The following AHCTF1 variants were observed in gnomAD, a reference collection of about 807,000 sequenced individuals.
AHCTF1 encodes AT-hook containing transcription factor 1, also known as protein ELYS.
Under a neutral mutation model 248.4 loss-of-function variants are expected in AHCTF1, and 24 were observed. The ratio of observed to expected loss-of-function variants is 0.10; its 90% CI spans 0.07 to 0.14. AHCTF1 has a LOEUF of 0.14. Ranked by LOEUF, AHCTF1 falls within the 10% of genes least tolerant of loss-of-function variation. The pLI is 1.00. For missense variants in AHCTF1, 2,206 were observed against 2,636.2 expected, an observed-to-expected ratio of 0.84 and a Z score of 3.57; for synonymous variants, 786 against 929.8, an observed-to-expected ratio of 0.85 and a Z score of 2.81.
At chr1:246,872,772 G>C (rs1363776310) in intron 24 of AHCTF1, among the ~76,000 whole-genome samples, 1 of 152,162 alleles carries the variant, frequency 6.6e-6, no homozygotes, top group African/African-American at 2.4e-5. Flanking sequence ...TGCTTGGCAT[G>C]ATTGAACCTT....
At chr1:246,907,994 A>G (rs1269146494) in intron 4 of AHCTF1, among the ~76,000 whole-genome samples, 1 of 152,232 alleles carries the variant, frequency 6.6e-6, no homozygotes, top group Non-Finnish European at 1.5e-5. Context: ...AAATTCTCTC[A>G]GTACATCTCA....
Position 246,887,248 on chromosome 1 carries a change from A to G in AHCTF1, c.2435T>C (p.Ile812Thr), listed in dbSNP as rs1249731980. The change falls in exon 20 of 36, where the codon ATT (isoleucine) becomes ACT (threonine). Residue 812 changes from isoleucine to threonine, a missense_variant. Around this residue, in one of 6 missense-constraint regions of AHCTF1, gnomAD observed 650 missense variants for 870.8 expected, o/e 0.75. Coordinates refer to ENST00000648844, the MANE Select transcript of AHCTF1 (RefSeq NM_001323342.2). ...FAISWGQVKLIQGFWLIDHND... is the reference protein window; with the variant it reads ...FAISWGQVKLTQGFWLIDHND... ...ATGATCTATCAACCAAAACCCCTGA[A>G]TAAGTTTAACTTGGCCCCAAGAAAT... 14 of 1,613,604 alleles carry G rather than the reference A, an allele frequency of 8.7e-6. No homozygotes were observed. Among genetic ancestry groups the G allele is most frequent in the Admixed American group, 3.3e-5 (2 of 59,968 alleles).
At chr1:246,883,567 C>G (rs1663609042) in intron 21 of AHCTF1, among the ~76,000 whole-genome samples, 1 of 152,210 alleles carries the variant, frequency 6.6e-6, no homozygotes, top group Admixed American at 6.5e-5. Flanking sequence ...GCAGCTTTCT[C>G]CTAAGATGTT....
Position 246,868,186 on chromosome 1 carries a change from TG to T in AHCTF1, c.3089-376del, listed in dbSNP as rs1328246066. ...CTCTGTAGCCCAGGCTGGAGTGCAGTGGCACAATCTTGGCTCACTGCAACCT... is the reference window on the plus strand; with the variant it reads ...CTCTGTAGCCCAGGCTGGAGTGCAGTGCACAATCTTGGCTCACTGCAACCT... On this transcript the variant is annotated intron_variant, in intron 24 of 35. Coordinates refer to ENST00000648844, the MANE Select transcript of AHCTF1 (RefSeq NM_001323342.2). Among the ~76,000 whole-genome samples, 20 of 150,808 alleles carry T rather than the reference TG, an allele frequency of 1.3e-4. No individual in the cohort carries two copies. In the East Asian group the frequency reaches 3.7e-3, roughly 28 times the overall value.
chr1:246,918,673 C>T (rs896592917), intron 1 of AHCTF1, among the ~76,000 whole-genome samples: 3 of 152,218 alleles, frequency 2.0e-5, no homozygotes, highest in African/African-American at 7.2e-5. Flanking sequence ...GTCTTAAAAA[C>T]AAATGACATG....
chr1:246,848,862 C>CAAAA (rs78528395), intron 33 of AHCTF1, among the ~76,000 whole-genome samples: 102,258 of 151,264 alleles, frequency 0.68, 36,436 homozygotes, highest in African/African-American at 0.91. Flanking sequence ...ACAAACAACA[C>CAAAA]AAACCCCCTA....
In AHCTF1 at chr1:246,931,021, CCCCAAG is replaced by C. The variant is rs1667311600; in HGVS notation, c.-8+551_-8+556del. On this transcript the variant is annotated intron_variant, in intron 1 of 35. Coordinates refer to ENST00000648844, the MANE Select transcript of AHCTF1 (RefSeq NM_001323342.2). Reference sequence around the variant, plus strand: ...AGGTAGGAAAAAGGAAGGCAAAGCACCCCAAGATGTGCTTTTATTTTAAATCTCCTT... The same window carrying C: ...AGGTAGGAAAAAGGAAGGCAAAGCACATGTGCTTTTATTTTAAATCTCCTT... 14 of 1,433,088 alleles carry C rather than the reference CCCCAAG, an allele frequency of 9.8e-6. 1 individual carries two copies. The Middle Eastern group carries it at 5.4e-4, about 55-fold the overall frequency. 88.8% of individuals were successfully genotyped at this position (1,433,088 alleles called of 1,614,324 possible). A position where few individuals can be genotyped will look rare whatever the true frequency, so the allele number is the denominator to read the frequency against.
Position 246,842,763 on chromosome 1 carries a change from T to G in AHCTF1, c.6539A>C (p.Gln2180Pro). Residue 2180 changes from glutamine (Q) to proline (P), a missense_variant, in exon 35 of 36, where the codon CAA becomes CCA. Physicochemically the swap from Gln to Pro is moderately conservative, Grantham distance 76 (BLOSUM62 -1). Around this residue, in one of 6 missense-constraint regions of AHCTF1, gnomAD observed 469 missense variants for 470.0 expected, o/e 1.00. Coordinates refer to ENST00000648844, the MANE Select transcript of AHCTF1 (RefSeq NM_001323342.2). ...TGGCTTTCCCAGAGTTTCTACTGAT[T>G]GTGCATCATCTTTCTATGGGTTAAA... Reference protein sequence around the residue: ...KLEDELKDDAQSVETLGKPKA... With the variant: ...KLEDELKDDAPSVETLGKPKA... 1 of 1,613,624 alleles carries G rather than the reference T, an allele frequency of 6.2e-7. No individual in the cohort carries two copies. The highest frequency in any genetic ancestry group is 8.5e-7 in the Non-Finnish European group (1 of 1,179,836).
Position 246,902,557 on chromosome 1 carries a change from G to C in AHCTF1, c.1085C>G (p.Ser362Cys). Reference protein sequence around the residue: ...LGCQSIEKFRSHGDREEGVNE... With the variant: ...LGCQSIEKFRCHGDREEGVNE... ...CACGCCTTCCTCCCTGTCACCATGA[G>C]ATCGAAATTTCTCTATACTCTGGCA... The change falls in exon 8 of 36, where the codon TCT becomes TGT. Residue 362 changes from serine to cysteine, a missense_variant. Physicochemically the swap from Ser to Cys is moderately radical, Grantham distance 112 (BLOSUM62 -1). Transcript: ENST00000648844. 1 of 1,611,498 alleles carries C rather than the reference G, an allele frequency of 6.2e-7. No homozygotes were observed. The highest frequency in any genetic ancestry group is 1.1e-5 in the South Asian group (1 of 90,884).
intron 20 of AHCTF1, 83 bp from the exon 21 acceptor site, chr1:246,885,763 C>T (rs1260332802): frequency 1.6e-6 from 2 of 1,272,494 alleles, no homozygotes; most frequent in South Asian, 3.2e-5. Context: ...CTAAAAACCA[C>T]AAAAATCCAG....
chr1:246,849,345 A>G (rs1432415712), intron 33 of AHCTF1, among the ~76,000 whole-genome samples: 2 of 152,208 alleles, frequency 1.3e-5, no homozygotes, highest in Non-Finnish European at 2.9e-5. Context: ...GTCACTTATA[A>G]TTTATAAAAC....
intron 14 of AHCTF1, among the ~76,000 whole-genome samples, chr1:246,892,883 C>A (rs2103144923): frequency 6.6e-6 from 1 of 152,174 alleles, no homozygotes; most frequent in Non-Finnish European, 1.5e-5. Context: ...TGGCCTCAAG[C>A]AATCCTCTCA....
intron 30 of AHCTF1, 133 bp from the exon 31 acceptor site, chr1:246,855,960 C>T: frequency 1.9e-6 from 1 of 515,100 alleles, no homozygotes; most frequent in Non-Finnish European, 3.4e-6. Context: ...AACTCAAGCT[C>T]ATTCTGAACA....
rs1376990524 is a variant in AHCTF1 at position 246,861,233 on chromosome 1, T to G, written c.3798A>C (p.Glu1266Asp). 1 of 1,613,468 alleles carries G rather than the reference T, an allele frequency of 6.2e-7. No homozygotes were observed. The highest frequency in any genetic ancestry group is 8.5e-7 in the Non-Finnish European group (1 of 1,179,794). The change falls in exon 29 of 36, where the codon GAA becomes GAC. Residue 1266 changes from glutamate (E) to aspartate (D), a missense_variant. Glu to Asp is a conservative substitution (Grantham distance 45). Transcript: ENST00000648844. ...TTPKKCAVPV[E>D]TEWLKSKDRT... ...TATCTTTGCTCTTCAGCCATTCAGT[T>G]TCCACTGGAACTGCACATTTTTTAG...
At chr1:246,899,877 T>G (rs1390830970) in intron 10 of AHCTF1, among the ~76,000 whole-genome samples, 188 bp downstream of exon 10, 1 of 145,858 alleles carries the variant, frequency 6.9e-6, no homozygotes. Flanking sequence ...CTCCAAGTCA[T>G]AATTCCTTTA....
intron 4 of AHCTF1, among the ~76,000 whole-genome samples, chr1:246,909,394 CAAAAAAAAAAA>C (rs55998210): frequency 3.7e-4 from 23 of 62,384 alleles, no homozygotes; most frequent in African/African-American, 6.7e-4. Context: ...TCCAGCCTCT[CAAAAAAAAAAA>C]AAAAAAAAAA....
chr1:246,850,128 T>C lies in AHCTF1; in HGVS notation c.5878A>G (p.Thr1960Ala), dbSNP rs1660592309. The C allele has an allele frequency of 5.6e-6, 9 of 1,613,950 alleles. No homozygotes were observed. Among genetic ancestry groups the C allele is most frequent in the Non-Finnish European group, 7.6e-6 (9 of 1,179,872 alleles). ...EDSNLESSQL[T>A]VQAEFDMSAI... ...GACATATCAAATTCTGCTTGAACAG[T>C]CAACTGAGATGACTCAAGGTTGGAG... Residue 1960 changes from threonine to alanine, a missense_variant, in exon 33 of 36, where the codon ACT (threonine) becomes GCT (alanine). Thr to Ala is a moderately conservative substitution (Grantham distance 58). Coordinates refer to ENST00000648844, the MANE Select transcript of AHCTF1 (RefSeq NM_001323342.2).
At chr1:246,863,675 G>A (rs1451632326) in intron 27 of AHCTF1, among the ~76,000 whole-genome samples, 1 of 152,026 alleles carries the variant, frequency 6.6e-6, no homozygotes, top group Non-Finnish European at 1.5e-5. Context: ...GTATTACAAA[G>A]GACAAAGGCA....
chr1:246,868,412 C>T lies in AHCTF1; in HGVS notation c.3089-601G>A, dbSNP rs1011565313. Among the ~76,000 whole-genome samples the T allele has an allele frequency of 2.3e-4, 33 of 143,898 alleles. 1 individual carries two copies. The highest frequency in any genetic ancestry group is 4.2e-4 in the South Asian group (2 of 4,816). The allele number at this position is 143,898 out of a possible 152,430, so 94.4% of individuals were successfully genotyped here. A position where few individuals can be genotyped will look rare whatever the true frequency, so the allele number is the denominator to read the frequency against. On this transcript the variant is annotated intron_variant, in intron 24 of 35. Coordinates refer to ENST00000648844, the MANE Select transcript of AHCTF1 (RefSeq NM_001323342.2). ...CTGGGATTACAGGCGTGAGCCACTG[C>T]GCCTGGCAATTTTTGTATTTTTAGT...
Sources: allele counts gnomAD v4.1 joint callset (sites outside exome capture counted in the v4.1 genomes callset), GRCh38; gene constraint gnomAD v4.1.1; regional missense constraint gnomAD v4.1.1; transcripts MANE v1.5; gene names NCBI Gene and HGNC (gene_info 2026-07-23, HGNC 2026-07-21).